Variants in CACNA2D4 observed in about 807,000 individuals in gnomAD.
CACNA2D4 encodes voltage-dependent calcium channel subunit alpha-2/delta-4.
A neutral mutation model predicts 163.8 loss-of-function variants in CACNA2D4; 157 were observed. That is an observed-to-expected ratio of 0.96 (90% CI 0.84 to 1.09). CACNA2D4 has a LOEUF of 1.09. Among genes scored for constraint, CACNA2D4 ranks in the 50% least tolerant of loss-of-function variants. CACNA2D4 has a pLI of 0.00. For missense variants in CACNA2D4, 1,410 were observed against 1,479.9 expected (o/e 0.95, Z 0.78); for synonymous variants, 598 against 586.9 (o/e 1.02, Z -0.27).
intron 26 of CACNA2D4, chr12:1,835,770 T>C (rs558181896): frequency 6.5e-6 from 1 of 152,714 alleles, no homozygotes; most frequent in East Asian, 1.9e-4. Flanking sequence ...CACACACCAC[T>C]GGTGTTGCCT....
At chr12:1,848,025 T>A (rs1172777190) in intron 23 of CACNA2D4, among the ~76,000 whole-genome samples, 1 of 151,316 alleles carries the variant, frequency 6.6e-6, no homozygotes, top group Non-Finnish European at 1.5e-5. Context: ...TATTTGTCTG[T>A]CTGTCTCTCT....
Position 1,795,754 on chromosome 12 carries a change from T to G in CACNA2D4, c.3140A>C (p.Asn1047Thr), listed in dbSNP as rs759157641. 6.2e-7 allele frequency: 1 copy of G among 1,612,144 alleles called. No individual in the cohort carries two copies. Among genetic ancestry groups the G allele is most frequent in the South Asian group, 1.1e-5 (1 of 91,010 alleles). Reference sequence around the variant, plus strand: ...TGTCACCAGGAGGAGGAGGTTACTGTTGGGAATCTGCTGCACCACAAATAC... The same window carrying G: ...TGTCACCAGGAGGAGGAGGTTACTGGTGGGAATCTGCTGCACCACAAATAC... ...QKVFVVQQIP[N>T]SNLLLLVTDP... is the part of the protein sequence containing the mutation. The change falls in exon 36 of 38, where the codon AAC (asparagine) becomes ACC (threonine). Residue 1047 changes from asparagine (N) to threonine (T), a missense_variant. By Grantham distance (65) the Asn-to-Thr change is moderately conservative. Coordinates refer to ENST00000382722, the MANE Select transcript of CACNA2D4 (RefSeq NM_172364.5).
chr12:1,816,150 G>T (rs1227320507), intron 26 of CACNA2D4, among the ~76,000 whole-genome samples: 1 of 152,156 alleles, frequency 6.6e-6, no homozygotes, highest in Non-Finnish European at 1.5e-5. Context: ...GGTTACTTGC[G>T]GGGAGGACTG....
At chr12:1,855,149 T>A (rs1592713232) in intron 22 of CACNA2D4, among the ~76,000 whole-genome samples, 1 of 152,166 alleles carries the variant, frequency 6.6e-6, no homozygotes, top group Non-Finnish European at 1.5e-5. Context: ...TAGGCTTATT[T>A]GCTTATCACC....
Position 1,875,406 on chromosome 12 carries a change from CA to C in CACNA2D4, c.1720-70del. ...GTCCTGCTCAAGTTTATCTCTTCTA[CA>C]AAGCCTTTCAGGTATATTCATAAAA... On this transcript the variant is annotated intron_variant, in intron 16 of 37. Transcript: ENST00000382722. This position sits in a 1 kb window ranked among gnomAD's most constrained non-coding sequence, Gnocchi z 4.0. 2.1e-6 allele frequency: 2 copies of C among 967,876 alleles called. No individual in the cohort carries two copies. The highest frequency in any genetic ancestry group is 3.4e-6 in the Non-Finnish European group (2 of 593,474). 60.0% of individuals were successfully genotyped at this position (967,876 alleles called of 1,614,324 possible).
chr12:1,892,101 A>ATGTCTTCTTCACAG (rs1555186110), intron 6 of CACNA2D4, among the ~76,000 whole-genome samples: 1 of 152,068 alleles, frequency 6.6e-6, no homozygotes, highest in Non-Finnish European at 1.5e-5. Flanking sequence ...TAATTCAAAA[A>ATGTCTTCTTCACAG]TACATTGTAG....
chr12:1,858,050 C>T (rs969734095), intron 20 of CACNA2D4, among the ~76,000 whole-genome samples: 1 of 152,188 alleles, frequency 6.6e-6, no homozygotes, highest in African/African-American at 2.4e-5. Context: ...AGCGAGGACT[C>T]CCCTGGAGGC....
At chr12:1,895,512 T>TA (rs1407545873) in intron 6 of CACNA2D4, among the ~76,000 whole-genome samples, 1 of 152,162 alleles carries the variant, frequency 6.6e-6, no homozygotes, top group East Asian at 1.9e-4. Flanking sequence ...AAGGCTATAG[T>TA]AACCCAAACA....
chr12:1,826,966 T>A (rs188264251), intron 26 of CACNA2D4, among the ~76,000 whole-genome samples: 3 of 152,178 alleles, frequency 2.0e-5, no homozygotes, highest in African/African-American at 7.2e-5. Context: ...CAGAATTCCA[T>A]AGGCCCATGG....
At chr12:1,871,552 CGT>C (rs1865781752) in intron 18 of CACNA2D4, among the ~76,000 whole-genome samples, 2 of 144,688 alleles carry the variant, frequency 1.4e-5, no homozygotes, top group African/African-American at 2.6e-5. Flanking sequence ...CGTGTGTACA[CGT>C]GTGTGCTGGT....
At chr12:1,909,176 TTGTTTATTTA>T (rs1482512419) in intron 4 of CACNA2D4, among the ~76,000 whole-genome samples, 2 of 137,560 alleles carry the variant, frequency 1.5e-5, no homozygotes, top group African/African-American at 6.7e-5. Flanking sequence ...AACCTGGTGT[TTGTTTATTTA>T]TTTGTTTATT....
chr12:1,873,587 A>G (rs1865827131), intron 18 of CACNA2D4, among the ~76,000 whole-genome samples: 1 of 152,216 alleles, frequency 6.6e-6, no homozygotes, highest in African/African-American at 2.4e-5. Flanking sequence ...CTTCATTGTC[A>G]GTTCAGTGCT....
chr12:1,866,028 G>T (rs879769880), intron 18 of CACNA2D4, among the ~76,000 whole-genome samples: 7 of 152,082 alleles, frequency 4.6e-5, no homozygotes, highest in Non-Finnish European at 8.8e-5. Flanking sequence ...TTACTGCAGG[G>T]GCTGGGACCT....
intron 29 of CACNA2D4, among the ~76,000 whole-genome samples, chr12:1,808,235 G>T (rs1863603196): frequency 6.6e-6 from 1 of 152,194 alleles, no homozygotes; most frequent in Non-Finnish European, 1.5e-5. Context: ...CCGCCTCCCC[G>T]CACGGTTGTC....
chr12:1,905,087 T>C (rs1157270273), intron 6 of CACNA2D4, among the ~76,000 whole-genome samples: 1 of 151,982 alleles, frequency 6.6e-6, no homozygotes, highest in Non-Finnish European at 1.5e-5. Context: ...CAAGGTAATA[T>C]ACACATTAAC....
intron 26 of CACNA2D4, among the ~76,000 whole-genome samples, chr12:1,819,142 AG>A (rs1863994241): frequency 6.6e-6 from 1 of 152,122 alleles, no homozygotes; most frequent in Admixed American, 6.5e-5. Flanking sequence ...GTCACCTTGC[AG>A]GGGGCGTTTA....
chr12:1,856,191 C>A lies in CACNA2D4; in HGVS notation c.2047G>T (p.Gly683Cys). Residue 683 changes from glycine to cysteine, a missense_variant, in exon 21 of 38, where the codon GGT (glycine) becomes TGT (cysteine). Transcript: ENST00000382722. Reference sequence around the variant, plus strand: ...TTTTTACTCCTCACTTACCAGTCACCGGCCAGGGCCAGGTCTGGGTGAAGC... The same window carrying A: ...TTTTTACTCCTCACTTACCAGTCACAGGCCAGGGCCAGGTCTGGGTGAAGC... ...DLLHPDLALA[G>C]DWIYCITDID... 1.9e-6 allele frequency: 3 copies of A among 1,614,010 alleles called. No individual in the cohort carries two copies. Among genetic ancestry groups the A allele is most frequent in the South Asian group, 2.2e-5 (2 of 91,084 alleles).
chr12:1,801,171 C>G, intron 30 of CACNA2D4, 53 bp from the exon 31 acceptor site: 1 of 1,501,534 alleles, frequency 6.7e-7, no homozygotes, highest in Non-Finnish European at 9.3e-7. Flanking sequence ...CACCCCCTGC[C>G]CCTGCCTCAG....
Position 1,878,868 on chromosome 12 carries a change from G to C in CACNA2D4, c.1644+88C>G. ...GGGCCCCACCCCAGCTCTGGGCTTG[G>C]CTTGCCTGGAGAGAGGCTCCCATCA... On this transcript the variant is annotated intron_variant, in intron 15 of 37. Transcript: ENST00000382722. The surrounding 1 kb of genome is among the most constrained non-coding windows in gnomAD (Gnocchi z 4.6). The C allele has an allele frequency of 1.6e-6, 2 of 1,289,002 alleles. No homozygotes were observed. Among genetic ancestry groups the C allele is most frequent in the Non-Finnish European group, 2.2e-6 (2 of 917,938 alleles). The allele number at this position is 1,289,002 out of a possible 1,614,324, so 79.8% of individuals were successfully genotyped here. A position where few individuals can be genotyped will look rare whatever the true frequency, so the allele number is the denominator to read the frequency against.
Sources: allele counts gnomAD v4.1 joint callset (sites outside exome capture counted in the v4.1 genomes callset), GRCh38; gene constraint gnomAD v4.1.1; non-coding constraint Gnocchi (gnomAD v3.1); transcripts MANE v1.5; gene names NCBI Gene and HGNC (gene_info 2026-07-23, HGNC 2026-07-21).